SLC36A3: variants seen among roughly 807,000 people sequenced by gnomAD.
The protein encoded by SLC36A3 is proton-coupled amino acid transporter 3.
SLC36A3 carries 35 observed loss-of-function variants against 44.3 expected under a neutral mutation model. The observed-to-expected ratio is 0.79, with a 90% CI of 0.60 to 1.05. SLC36A3 has a LOEUF of 1.05. Among genes scored for constraint, SLC36A3 ranks in the 50% least tolerant of loss-of-function variants. The pLI is 0.00. For synonymous variants in SLC36A3, 211 were observed against 227.6 expected (o/e 0.93, Z 0.66); for missense variants, 540 against 578.7 (o/e 0.93, Z 0.69).
intron 8 of SLC36A3, among the ~76,000 whole-genome samples, chr5:151,282,827 A>C (rs910059377): frequency 2.0e-5 from 3 of 151,844 alleles, no homozygotes; most frequent in Admixed American, 2.0e-4. Context: ...CGATGCATGC[A>C]TCTTTGCCCT....
intron 2 of SLC36A3, 91 bp from the exon 3 acceptor site, chr5:151,296,359 C>T: frequency 1.9e-6 from 2 of 1,064,588 alleles, no homozygotes; most frequent in Non-Finnish European, 2.8e-6. Context: ...GGGCCTGTTG[C>T]ATAATAAAAC....
rs1234147783 is a variant in SLC36A3, at chr5:151,296,031, GT to G, written c.308+148del. On this transcript the variant is annotated intron_variant, in intron 3 of 9. Transcript: ENST00000335230. Reference sequence around the variant, plus strand: ...CTAGAGTCTCTAACTGGGACTCTCTGTCATGCTCTCCTTGCCTTCATAGAAT... The same window carrying G: ...CTAGAGTCTCTAACTGGGACTCTCTGCATGCTCTCCTTGCCTTCATAGAAT... 3 of 730,298 alleles carry G rather than the reference GT, an allele frequency of 4.1e-6. No individual in the cohort carries two copies. In the East Asian group the frequency reaches 8.1e-5, roughly 20 times the overall value. 45.2% of individuals were successfully genotyped at this position (730,298 alleles called of 1,614,324 possible).
chr5:151,285,806 C>G (rs1754514828), intron 6 of SLC36A3, among the ~76,000 whole-genome samples: 1 of 152,180 alleles, frequency 6.6e-6, no homozygotes, highest in South Asian at 2.1e-4. Context: ...CTTGAGGCTG[C>G]TAGCTTTGAA....
rs989293739 is a variant in SLC36A3 at position 151,283,984 on chromosome 5, A to G, written c.974+60T>C. On this transcript the variant is annotated intron_variant, in intron 8 of 9. Transcript: ENST00000335230. ...GCTCAGCTTTGCTGTGCTCTCTGCT[A>G]TGACAACCAGAACAGTTCCAGTGTC... The G allele has an allele frequency of 4.6e-6, 7 of 1,529,356 alleles. No individual in the cohort carries two copies. The African/African-American group carries it at 9.8e-5, about 21-fold the overall frequency. 94.7% of individuals were successfully genotyped at this position (1,529,356 alleles called of 1,614,324 possible). A position where few individuals can be genotyped will look rare whatever the true frequency, so the allele number is the denominator to read the frequency against.
chr5:151,279,570 T>G (rs1268331858), intron 9 of SLC36A3, among the ~76,000 whole-genome samples: 2 of 152,300 alleles, frequency 1.3e-5, no homozygotes, highest in Admixed American at 6.5e-5. Context: ...CTGTCTCTAG[T>G]CATGCATTCC....
In SLC36A3 at chr5:151,277,181, G is replaced by A. The variant is rs909605479; in HGVS notation, c.*212C>T. 1.4e-5 allele frequency: 9 copies of A among 628,026 alleles called. No homozygotes were observed. Among genetic ancestry groups the A allele is most frequent in the African/African-American group, 5.5e-5 (3 of 54,588 alleles). The allele number at this position is 628,026 out of a possible 1,614,324, so 38.9% of individuals were successfully genotyped here. A position where few individuals can be genotyped will look rare whatever the true frequency, so the allele number is the denominator to read the frequency against. ...AGTTGAATCTAATTTTGGTTCAGAG[G>A]TACAAAAGGCCATCCAAAAAATATA... is the stretch of plus-strand genomic sequence containing the variant. On this transcript the variant is annotated 3_prime_UTR_variant, in exon 10 of 10. Coordinates refer to ENST00000335230, the MANE Select transcript of SLC36A3 (RefSeq NM_181774.4).
intron 4 of SLC36A3, among the ~76,000 whole-genome samples, chr5:151,290,131 C>A (rs1754702752): frequency 6.6e-6 from 1 of 152,038 alleles, no homozygotes; most frequent in Admixed American, 6.6e-5. Flanking sequence ...TCTGTTATTG[C>A]CATTATTCTT....
chr5:151,298,650 G>A lies in SLC36A3; in HGVS notation c.162C>T (p.Cys54=). ...MMQTLIHLLK[C]NIGTGLLGLP... ...GCCCCAGGAGCCCTGTGCCAATGTT[G>A]CATTTCAACAAGTGGATCAAAGTTT... Residue 54 remains cysteine, a synonymous_variant, in exon 2 of 10, where the codon TGC becomes TGT. Coordinates refer to ENST00000335230, the MANE Select transcript of SLC36A3 (RefSeq NM_181774.4). 1 of 1,614,174 alleles carries A rather than the reference G, an allele frequency of 6.2e-7. No individual in the cohort carries two copies. Among genetic ancestry groups the A allele is most frequent in the Middle Eastern group, 1.6e-4 (1 of 6,062 alleles).
rs1001693097 is a variant in SLC36A3, at chr5:151,286,243, T to C, written c.708+1003A>G. 4.6e-5 allele frequency among the ~76,000 whole-genome samples: 7 copies of C among 152,360 alleles called. No individual in the cohort carries two copies. The Middle Eastern group carries it at 0.014, about 296-fold the overall frequency. On this transcript the variant is annotated intron_variant, in intron 6 of 9. Coordinates refer to ENST00000335230, the MANE Select transcript of SLC36A3 (RefSeq NM_181774.4). ...TCCAGGACCTCCCGTGGATACCAAA[T>C]CTGCAAATGCTCAAGTCCTTGATAT...
At chr5:151,299,463 G>A (rs1755100146) in intron 1 of SLC36A3, among the ~76,000 whole-genome samples, 1 of 151,040 alleles carries the variant, frequency 6.6e-6, no homozygotes, top group Non-Finnish European at 1.5e-5. Context: ...AATAGCAATT[G>A]TTACTGTGCA....
In SLC36A3 at chr5:151,303,505, A is replaced by G. The variant is rs564360288; in HGVS notation, c.-151T>C. 50 of 758,906 alleles carry G rather than the reference A, an allele frequency of 6.6e-5. No individual in the cohort carries two copies. The highest frequency in any genetic ancestry group is 3.7e-4 in the South Asian group (16 of 42,716). The allele number at this position is 758,906 out of a possible 1,614,324, so 47.0% of individuals were successfully genotyped here. A position where few individuals can be genotyped will look rare whatever the true frequency, so the allele number is the denominator to read the frequency against. On this transcript the variant is annotated 5_prime_UTR_variant, in exon 1 of 10. The change abolishes an upstream ATG in the 5' untranslated region. Transcript: ENST00000335230. ...TGCTGCTGGCTGAAGCCTGAAGTGC[A>G]TGAATCAGGGAAGCGGTGGTGGCAG...
chr5:151,297,268 T>G (rs550972231), intron 2 of SLC36A3: 1 of 152,284 alleles, frequency 6.6e-6, no homozygotes, highest in East Asian at 1.9e-4. Flanking sequence ...GAAGCAAATA[T>G]CAAAGAATAA....
At chr5:151,294,115 A>C (rs1237106345) in intron 3 of SLC36A3, among the ~76,000 whole-genome samples, 2 of 152,228 alleles carry the variant, frequency 1.3e-5, no homozygotes, top group Non-Finnish European at 2.9e-5. Flanking sequence ...AGCCTTCTTC[A>C]GATACCAGAG....
intron 5 of SLC36A3, among the ~76,000 whole-genome samples, chr5:151,287,963 T>A (rs1034562136): frequency 6.6e-6 from 1 of 152,212 alleles, no homozygotes; most frequent in East Asian, 1.9e-4. Context: ...GGATGCTCCC[T>A]CTAATCCACA....
Position 151,293,360 on chromosome 5 carries a change from C to T in SLC36A3, c.404+4G>A. 6.2e-7 allele frequency: 1 copy of T among 1,609,516 alleles called. No homozygotes were observed. The highest frequency in any genetic ancestry group is 8.5e-7 in the Non-Finnish European group (1 of 1,177,232). On this transcript the variant is annotated splice_donor_region_variant and intron_variant, in intron 4 of 9. Transcript: ENST00000335230. ...GTTACTACTACAACATCTGTGACTACTACCTTCCCCACACTGCATGGGCCC... is the reference window on the plus strand; with the variant it reads ...GTTACTACTACAACATCTGTGACTATTACCTTCCCCACACTGCATGGGCCC...
chr5:151,298,282 G>A (rs1445001324), intron 2 of SLC36A3: 2 of 271,392 alleles, frequency 7.4e-6, no homozygotes, highest in Non-Finnish European at 1.4e-5. Flanking sequence ...ATGCCTGCAG[G>A]GATTGGGCTG....
chr5:151,283,390 G>A (rs1306002193), intron 8 of SLC36A3, among the ~76,000 whole-genome samples: 1 of 152,192 alleles, frequency 6.6e-6, no homozygotes, highest in Non-Finnish European at 1.5e-5. Context: ...TCCTGATGGA[G>A]CTCAACACCC....
chr5:151,299,588 T>C (rs1263681805), intron 1 of SLC36A3, among the ~76,000 whole-genome samples: 1 of 151,524 alleles, frequency 6.6e-6, no homozygotes, highest in Non-Finnish European at 1.5e-5. Context: ...GTGGATTGGG[T>C]GGGAAAGGTG....
At chr5:151,280,444 ACT>A (rs1754265767) in intron 9 of SLC36A3, among the ~76,000 whole-genome samples, 1 of 152,134 alleles carries the variant, frequency 6.6e-6, no homozygotes, top group Non-Finnish European at 1.5e-5. Flanking sequence ...ACAGAGCGAG[ACT>A]CTGTCTCAAA....
Sources: allele counts gnomAD v4.1 joint callset (sites outside exome capture counted in the v4.1 genomes callset), GRCh38; gene constraint gnomAD v4.1.1; transcripts MANE v1.5; gene names NCBI Gene and HGNC (gene_info 2026-07-23, HGNC 2026-07-21).